The following RBFOX1 variants were observed in gnomAD, a reference collection of about 807,000 sequenced individuals.
RBFOX1 encodes RNA binding protein fox-1 homolog 1.
A neutral mutation model predicts 57.7 loss-of-function variants in RBFOX1; 8 were observed. The observed-to-expected ratio is 0.14, with a 90% CI of 0.08 to 0.25. RBFOX1 has a LOEUF of 0.25. RBFOX1 is among the 10% of genes least tolerant of loss of function. RBFOX1 has a pLI of 1.00. For synonymous variants in RBFOX1, 326 were observed against 222.4 expected (o/e 1.47, Z -4.15); for missense variants, 611 against 548.5 (o/e 1.11, Z -1.14).
chr16:5,712,492 C>G (rs777756682), intron 3 of RBFOX1, among the ~76,000 whole-genome samples: 2 of 152,186 alleles, frequency 1.3e-5, no homozygotes, highest in East Asian at 3.9e-4. Context: ...ATTCTTATCT[C>G]AAGAGCAGAG....
At chr16:6,816,784 A>G (rs2090175964) in intron 3 of RBFOX1, among the ~76,000 whole-genome samples, 1 of 151,566 alleles carries the variant, frequency 6.6e-6, no homozygotes, top group African/African-American at 2.4e-5. Context: ...TTGTTCTGTT[A>G]CCCAGGTTGG....
chr16:6,218,841 C>A lies in RBFOX1; in HGVS notation c.-126-98154C>A, dbSNP rs548551435. ...TTATTAGTTAAGTCCCAAATGGAGA[C>A]AATTGAAGCCAGAAAAAAAAAAAAA... is the stretch of plus-strand genomic sequence containing the variant. On this transcript the variant is annotated intron_variant, in intron 1 of 15. Transcript: ENST00000550418. Among the ~76,000 whole-genome samples the A allele has an allele frequency of 8.0e-5, 9 of 112,854 alleles. No individual in the cohort carries two copies. The South Asian group carries it at 2.2e-3, about 28-fold the overall frequency. 74.0% of individuals were successfully genotyped at this position (112,854 alleles called of 152,430 possible).
intron 4 of RBFOX1, among the ~76,000 whole-genome samples, chr16:7,164,649 T>C (rs1442224288): frequency 6.6e-6 from 1 of 152,222 alleles, no homozygotes. Context: ...CACACACAAA[T>C]ACAAACACAC....
intron 1 of RBFOX1, among the ~76,000 whole-genome samples, chr16:6,149,146 G>C (rs1251929832): frequency 6.6e-6 from 1 of 152,222 alleles, no homozygotes; most frequent in Non-Finnish European, 1.5e-5. Context: ...TTCTCATTTT[G>C]TTAGGCGCTT....
At chr16:7,146,698 T>A (rs1026079934) in intron 4 of RBFOX1, among the ~76,000 whole-genome samples, 1 of 151,914 alleles carries the variant, frequency 6.6e-6, no homozygotes, top group South Asian at 2.1e-4. Context: ...CCTGCAATCC[T>A]GGCAGTTTGC....
chr16:6,857,958 T>A (rs1349213449), intron 3 of RBFOX1, among the ~76,000 whole-genome samples: 2 of 152,128 alleles, frequency 1.3e-5, no homozygotes, highest in African/African-American at 4.8e-5. Flanking sequence ...ACAATACTGG[T>A]TTTTCGTAGG....
intron 3 of RBFOX1, among the ~76,000 whole-genome samples, chr16:5,655,865 A>C (rs1334978644): frequency 6.6e-6 from 1 of 152,198 alleles, no homozygotes; most frequent in Admixed American, 6.5e-5. Context: ...TACTTTGCAC[A>C]CTGACAATGA....
chr16:5,914,517 T>A (rs1008669305), intron 4 of RBFOX1, among the ~76,000 whole-genome samples: 7 of 152,032 alleles, frequency 4.6e-5, no homozygotes, highest in Non-Finnish European at 7.4e-5. Flanking sequence ...CAGCCTCAGT[T>A]CCCCATCATG....
intron 3 of RBFOX1, among the ~76,000 whole-genome samples, chr16:6,972,509 G>C (rs996789641): frequency 1.3e-5 from 2 of 152,236 alleles, no homozygotes; most frequent in South Asian, 4.2e-4. Flanking sequence ...TTGGGTTGCC[G>C]CCACTTGTTG....
At chr16:7,090,463 A>C (rs979635405) in intron 4 of RBFOX1, among the ~76,000 whole-genome samples, 1 of 152,092 alleles carries the variant, frequency 6.6e-6, no homozygotes, top group Non-Finnish European at 1.5e-5. Flanking sequence ...AAGGTAAAGA[A>C]ATGCTTTGGA....
chr16:7,003,610 C>G lies in RBFOX1; in HGVS notation c.-15-48447C>G, dbSNP rs570779740. 1.8e-4 allele frequency among the ~76,000 whole-genome samples: 27 copies of G among 152,200 alleles called. No homozygotes were observed. The South Asian group carries it at 5.0e-3, about 28-fold the overall frequency. ...TAAAATACCTCTGGAGAAAAACTAACCTCTTCCAGGAAAGTTTTGTTAGCT... is the reference window on the plus strand; with the variant it reads ...TAAAATACCTCTGGAGAAAAACTAAGCTCTTCCAGGAAAGTTTTGTTAGCT... On this transcript the variant is annotated intron_variant, in intron 3 of 15. Coordinates refer to ENST00000550418, the MANE Select transcript of RBFOX1 (RefSeq NM_018723.4).
At chr16:6,805,553 C>G (rs181299120) in intron 3 of RBFOX1, among the ~76,000 whole-genome samples, 19 of 149,816 alleles carry the variant, frequency 1.3e-4, no homozygotes, top group Admixed American at 4.0e-4. Context: ...TAAAAAAATT[C>G]TCACTTCAGT....
intron 10 of RBFOX1, among the ~76,000 whole-genome samples, chr16:7,617,263 T>A (rs2058598878): frequency 6.6e-6 from 1 of 152,226 alleles, no homozygotes; most frequent in Non-Finnish European, 1.5e-5. Context: ...CATTGCCGTG[T>A]AAAAGTAGCC....
At chr16:6,405,320 T>C (rs1327749863) in intron 2 of RBFOX1, among the ~76,000 whole-genome samples, 4 of 152,208 alleles carry the variant, frequency 2.6e-5, no homozygotes, top group Non-Finnish European at 5.9e-5. Context: ...AGTTAGGTTA[T>C]GCTGCAGTAA....
At chr16:5,865,784 C>A (rs562438430) in intron 3 of RBFOX1, among the ~76,000 whole-genome samples, 1 of 152,140 alleles carries the variant, frequency 6.6e-6, no homozygotes, top group Non-Finnish European at 1.5e-5. Flanking sequence ...TACTCTGGAG[C>A]CTGAGAGTTC....
intron 1 of RBFOX1, among the ~76,000 whole-genome samples, chr16:5,278,801 G>T (rs976922565): frequency 2.6e-5 from 4 of 152,180 alleles, no homozygotes; most frequent in Non-Finnish European, 5.9e-5. Flanking sequence ...TTATTCTTCT[G>T]TATTTGGATA....
intron 1 of RBFOX1, among the ~76,000 whole-genome samples, chr16:6,025,510 T>A (rs1012351353): frequency 6.6e-6 from 1 of 152,228 alleles, no homozygotes; most frequent in Non-Finnish European, 1.5e-5. Context: ...TGTTCTTGTG[T>A]GCCTGCATGA....
chr16:6,537,166 A>G (rs1355579876), intron 2 of RBFOX1, among the ~76,000 whole-genome samples: 3 of 152,030 alleles, frequency 2.0e-5, no homozygotes, highest in Admixed American at 6.6e-5. Context: ...TCTTCCTACA[A>G]TGCATATTCT....
chr16:5,963,672 C>T (rs60059420), intron 4 of RBFOX1, among the ~76,000 whole-genome samples: 2 of 152,186 alleles, frequency 1.3e-5, no homozygotes, highest in African/African-American at 4.8e-5. Context: ...ATGGTCTCTT[C>T]GAGAAATGTT....
Sources: allele counts gnomAD v4.1 joint callset (sites outside exome capture counted in the v4.1 genomes callset), GRCh38; gene constraint gnomAD v4.1.1; transcripts MANE v1.5; gene names NCBI Gene and HGNC (gene_info 2026-07-23, HGNC 2026-07-21).